GALNT17: variants seen among roughly 807,000 people sequenced by gnomAD.
GALNT17 encodes the protein UDP-GalNAc:polypeptide N-acetylgalactosaminyltransferase-like 3.
GALNT17 carries 29 observed loss-of-function variants against 63.7 expected under a neutral mutation model. The ratio of observed to expected loss-of-function variants is 0.46; its 90% CI spans 0.34 to 0.62. The LOEUF is 0.62. GALNT17 is among the 20% of genes least tolerant of loss of function. The pLI, the probability that GALNT17 is intolerant of heterozygous loss-of-function variation, is 0.01. For missense variants in GALNT17, 603 were observed against 799.6 expected, an observed-to-expected ratio of 0.75 and a Z score of 2.97; for synonymous variants, 305 against 318.3, an observed-to-expected ratio of 0.96 and a Z score of 0.45.
At chr7:71,169,327 GAA>G (rs1055728628) in intron 1 of GALNT17, among the ~76,000 whole-genome samples, 24 of 152,094 alleles carry the variant, frequency 1.6e-4, no homozygotes, top group African/African-American at 5.8e-4. Flanking sequence ...TGCATCCTGG[GAA>G]CCCTCTCAAG....
intron 6 of GALNT17, among the ~76,000 whole-genome samples, chr7:71,571,930 T>G (rs1246457748): frequency 6.6e-6 from 1 of 152,074 alleles, no homozygotes; most frequent in East Asian, 1.9e-4. Flanking sequence ...GAGGATGGCT[T>G]GAGCCCAGGA....
At chr7:71,487,773 C>G (rs1001454870) in intron 5 of GALNT17, among the ~76,000 whole-genome samples, 8 of 152,114 alleles carry the variant, frequency 5.3e-5, no homozygotes, top group Non-Finnish European at 1.2e-4. Flanking sequence ...GTAGTGATAA[C>G]AGGGTCAGGA....
chr7:71,711,973 C>A, intron 10 of GALNT17, 45 bp from the exon 11 acceptor site: 1 of 1,604,460 alleles, frequency 6.2e-7, no homozygotes, highest in South Asian at 1.1e-5. Flanking sequence ...CTGTCTCTCT[C>A]TCCTCTCTCT....
At chr7:71,489,655 T>C (rs1787973780) in intron 5 of GALNT17, among the ~76,000 whole-genome samples, 1 of 152,110 alleles carries the variant, frequency 6.6e-6, no homozygotes, top group Admixed American at 6.5e-5. Context: ...CAACGAGACA[T>C]GGGATTTTAC....
At chr7:71,332,274 C>T (rs867554237) in intron 1 of GALNT17, among the ~76,000 whole-genome samples, 9 of 151,910 alleles carry the variant, frequency 5.9e-5, no homozygotes, top group African/African-American at 1.7e-4. Flanking sequence ...TGTCTCATTA[C>T]GCTGTTCCTT....
At chr7:71,428,404 T>G (rs1786799471) in intron 5 of GALNT17, among the ~76,000 whole-genome samples, 1 of 152,150 alleles carries the variant, frequency 6.6e-6, no homozygotes, top group South Asian at 2.1e-4. Context: ...GGTTCATTCA[T>G]GCATCAGAAA....
At chr7:71,216,771 C>G (rs1253810225) in intron 1 of GALNT17, among the ~76,000 whole-genome samples, 1 of 151,992 alleles carries the variant, frequency 6.6e-6, no homozygotes, top group African/African-American at 2.4e-5. Context: ...CAGAGACACA[C>G]AAATACACAT....
intron 6 of GALNT17, among the ~76,000 whole-genome samples, chr7:71,613,302 G>T (rs1272185408): frequency 1.3e-5 from 2 of 152,188 alleles, no homozygotes; most frequent in East Asian, 3.8e-4. Flanking sequence ...GTTATTTGTA[G>T]ATGGCAATGA....
chr7:71,442,096 C>T (rs1787077798), intron 5 of GALNT17, among the ~76,000 whole-genome samples: 1 of 152,178 alleles, frequency 6.6e-6, no homozygotes, highest in African/African-American at 2.4e-5. Context: ...TTTACAGTCC[C>T]ACCAACAATG....
intron 5 of GALNT17, among the ~76,000 whole-genome samples, chr7:71,529,734 G>A (rs182385746): frequency 3.3e-5 from 5 of 152,124 alleles, no homozygotes; most frequent in Admixed American, 6.5e-5. Flanking sequence ...CATGCATGCC[G>A]CATGCCACAT....
In GALNT17 at chr7:71,688,552, G is replaced by A. The variant is rs542027067; in HGVS notation, c.1500+11246G>A. On this transcript the variant is annotated intron_variant, in intron 9 of 10. Coordinates refer to ENST00000333538, the MANE Select transcript of GALNT17 (RefSeq NM_022479.3). ...CCGTTTTTCTAATTATCCCTGAGAAGTGGCTCTCGTGATCCACGTGCAGAG... is the reference window on the plus strand; with the variant it reads ...CCGTTTTTCTAATTATCCCTGAGAAATGGCTCTCGTGATCCACGTGCAGAG... Among the ~76,000 whole-genome samples the A allele has an allele frequency of 1.2e-3, 78 of 64,414 alleles. 1 individual carries two copies. Among genetic ancestry groups the A allele is most frequent in the African/African-American group, 4.8e-3 (74 of 15,476 alleles). 42.3% of individuals were successfully genotyped at this position (64,414 alleles called of 152,430 possible).
chr7:71,229,381 G>A (rs1277908809), intron 1 of GALNT17, among the ~76,000 whole-genome samples: 1 of 152,144 alleles, frequency 6.6e-6, no homozygotes, highest in Admixed American at 6.5e-5. Flanking sequence ...TAGCGGGGAC[G>A]GTGAGACCAA....
chr7:71,184,969 T>TTCCCTCCCTCCC (rs1788812833), intron 1 of GALNT17, among the ~76,000 whole-genome samples: 1 of 110,332 alleles, frequency 9.1e-6, no homozygotes, highest in African/African-American at 4.1e-5. Flanking sequence ...CCTTCCTTCC[T>TTCCCTCCCTCCC]TCCTTCCTTC....
chr7:71,531,486 G>A (rs1425980800), intron 5 of GALNT17, among the ~76,000 whole-genome samples: 1 of 152,200 alleles, frequency 6.6e-6, no homozygotes, highest in Non-Finnish European at 1.5e-5. Context: ...ACTAGTAGTA[G>A]TAACAATAGT....
chr7:71,460,807 G>C (rs1787439519), intron 5 of GALNT17, among the ~76,000 whole-genome samples: 2 of 152,312 alleles, frequency 1.3e-5, no homozygotes, highest in African/African-American at 4.8e-5. Flanking sequence ...TGTTGCCATG[G>C]CATTTGTAAA....
chr7:71,489,465 C>T (rs1314970237), intron 5 of GALNT17, among the ~76,000 whole-genome samples: 1 of 152,176 alleles, frequency 6.6e-6, no homozygotes, highest in African/African-American at 2.4e-5. Flanking sequence ...TGTTCTGAGC[C>T]TGTGTCTTCA....
At chr7:71,587,197 T>A (rs916889520) in intron 6 of GALNT17, among the ~76,000 whole-genome samples, 1 of 152,136 alleles carries the variant, frequency 6.6e-6, no homozygotes, top group East Asian at 1.9e-4. Context: ...CAGGCTAATT[T>A]TTCTATTTTT....
intron 2 of GALNT17, among the ~76,000 whole-genome samples, chr7:71,376,332 C>T (rs1204840436): frequency 2.1e-5 from 3 of 146,212 alleles, no homozygotes; most frequent in African/African-American, 2.5e-5. Context: ...TTTTTTAGCT[C>T]TGGCCTGAAA....
chr7:71,207,946 T>C (rs1018562157), intron 1 of GALNT17, among the ~76,000 whole-genome samples: 10 of 151,522 alleles, frequency 6.6e-5, no homozygotes, highest in African/African-American at 2.0e-4. Context: ...TTCTTTTTTT[T>C]TTTTTTGAGA....
Sources: gnomAD v4.1 joint callset for allele counts (sites outside exome capture counted in the v4.1 genomes callset) on GRCh38, gnomAD v4.1.1 for gene constraint, MANE v1.5 for transcripts, NCBI Gene and HGNC (gene_info 2026-07-23, HGNC 2026-07-21) for gene names.